Variants in CXCL13 observed in about 807,000 individuals in gnomAD.
CXCL13 encodes the protein C-X-C motif chemokine 13.
A neutral mutation model predicts 12.2 loss-of-function variants in CXCL13; 7 were observed. That is an observed-to-expected ratio of 0.57 (90% confidence interval 0.33 to 1.07). The LOEUF (loss-of-function observed/expected upper bound fraction) is 1.07, where lower values mean the gene tolerates loss of function less well. CXCL13 is among the 50% of genes least tolerant of loss of function. CXCL13 has a pLI of 0.04. For missense variants in CXCL13, 113 were observed against 127.4 expected (o/e 0.89, Z 0.55); for synonymous variants, 47 against 42.4 (o/e 1.11, Z -0.42).
chr4:77,547,512 T>C (rs1725396906), intron 1 of CXCL13, among the ~76,000 whole-genome samples: 1 of 152,214 alleles, frequency 6.6e-6, no homozygotes, highest in Non-Finnish European at 1.5e-5. Flanking sequence ...CTTTTGATCT[T>C]TGTTGGTTTA....
At chr4:77,582,725 T>C (rs1467102456) in intron 1 of CXCL13, among the ~76,000 whole-genome samples, 1 of 152,178 alleles carries the variant, frequency 6.6e-6, no homozygotes, top group Non-Finnish European at 1.5e-5. Context: ...TACTTCAACA[T>C]ATTTTTTAAA....
intron 1 of CXCL13, among the ~76,000 whole-genome samples, chr4:77,550,337 G>T (rs1005881731): frequency 6.6e-6 from 1 of 152,136 alleles, no homozygotes; most frequent in Non-Finnish European, 1.5e-5. Flanking sequence ...CTTACACTCA[G>T]TGGGCTGCTC....
Position 77,607,896 on chromosome 4 carries a change from T to G in CXCL13, c.197+61T>G, listed in dbSNP as rs975330761. On this transcript the variant is annotated intron_variant, in intron 2 of 3. Coordinates refer to ENST00000682537, the MANE Select transcript of CXCL13 (RefSeq NM_001371558.1). ...CTCCCAATGAAATCAGATCAAATGTTACCATACAGTAGTCTTACTCAAGAA... is the reference window on the plus strand; with the variant it reads ...CTCCCAATGAAATCAGATCAAATGTGACCATACAGTAGTCTTACTCAAGAA... 6 of 1,509,152 alleles carry G rather than the reference T, an allele frequency of 4.0e-6. No homozygotes were observed. The East Asian group carries it at 1.4e-4, about 34-fold the overall frequency. 93.5% of individuals were successfully genotyped at this position (1,509,152 alleles called of 1,614,324 possible).
intron 1 of CXCL13, among the ~76,000 whole-genome samples, chr4:77,518,729 C>G (rs1030041282): frequency 3.9e-5 from 6 of 152,052 alleles, no homozygotes; most frequent in African/African-American, 1.4e-4. Flanking sequence ...ACTTCTTTGC[C>G]TTTGGTTTGA....
chr4:77,593,277 C>T (rs535532260), intron 1 of CXCL13, among the ~76,000 whole-genome samples: 18 of 152,354 alleles, frequency 1.2e-4, no homozygotes, highest in African/African-American at 4.3e-4. Flanking sequence ...TCAAATTAAA[C>T]ATTTTAAAAG....
intron 1 of CXCL13, among the ~76,000 whole-genome samples, chr4:77,552,078 C>T (rs1387825324): frequency 1.3e-5 from 2 of 152,086 alleles, no homozygotes; most frequent in East Asian, 1.9e-4. Flanking sequence ...ATTTATCTGT[C>T]ATTTCTGAGT....
chr4:77,545,747 C>T (rs1275238322), intron 1 of CXCL13, among the ~76,000 whole-genome samples: 1 of 152,138 alleles, frequency 6.6e-6, no homozygotes, highest in Non-Finnish European at 1.5e-5. Flanking sequence ...ATTTCTTTCT[C>T]CTGCCTGATT....
intron 1 of CXCL13, among the ~76,000 whole-genome samples, chr4:77,549,839 A>G (rs1284181071): frequency 6.6e-6 from 1 of 152,208 alleles, no homozygotes; most frequent in African/African-American, 2.4e-5. Flanking sequence ...TCAGATCTCA[A>G]ACTCCATGCT....
chr4:77,543,518 G>A (rs1725257670), intron 1 of CXCL13, among the ~76,000 whole-genome samples: 1 of 151,880 alleles, frequency 6.6e-6, no homozygotes. Flanking sequence ...TCTTAACATT[G>A]CTTTTGCTGT....
chr4:77,604,001 T>A (rs1430207472), upstream of CXCL13, among the ~76,000 whole-genome samples: 1 of 152,226 alleles, frequency 6.6e-6, no homozygotes, highest in Non-Finnish European at 1.5e-5. Flanking sequence ...CTTTGTGCTG[T>A]TAACCTCTAG....
rs1560530240 is a variant in CXCL13 at position 77,573,602 on chromosome 4, AAAG to A, written c.-42-32217_-42-32215del. 2.6e-5 allele frequency among the ~76,000 whole-genome samples: 4 copies of A among 151,998 alleles called. No individual in the cohort carries two copies. The South Asian group carries it at 8.3e-4, about 32-fold the overall frequency. ...TGTAATTCTGTATATAAAATATGCC[AAAG>A]AAGATATTCTTTTATTTTAAAAAAA... On this transcript the variant is annotated intron_variant, in intron 1 of 4. Transcript: ENST00000286758.
intron 1 of CXCL13, among the ~76,000 whole-genome samples, chr4:77,526,668 C>T (rs1490292667): frequency 6.6e-6 from 1 of 152,120 alleles, no homozygotes; most frequent in African/African-American, 2.4e-5. Context: ...CCTCATGGAG[C>T]TTCCACACTA....
In CXCL13 at chr4:77,611,677, C is replaced by G; in HGVS notation, c.*638C>G. The stretch of plus-strand genomic sequence containing the variant: ...TTTAAAGGGTGATGTACACATGTAT[C>G]CTTTCACACATTTGCCTTGACAAAC... On this transcript the variant is annotated 3_prime_UTR_variant, in exon 4 of 4. Coordinates refer to ENST00000682537, the MANE Select transcript of CXCL13 (RefSeq NM_001371558.1). 1 of 398,666 alleles carries G rather than the reference C, an allele frequency of 2.5e-6. No homozygotes were observed. The highest frequency in any genetic ancestry group is 4.4e-6 in the Non-Finnish European group (1 of 226,026). 24.7% of individuals were successfully genotyped at this position (398,666 alleles called of 1,614,324 possible).
intron 1 of CXCL13, among the ~76,000 whole-genome samples, chr4:77,540,192 C>A (rs960943211): frequency 6.6e-6 from 1 of 152,090 alleles, no homozygotes; most frequent in African/African-American, 2.4e-5. Flanking sequence ...TTTTTATACA[C>A]TTCATGAGGG....
At position 77,513,804 on chromosome 4, in the gene CXCL13, C is replaced by CT. The variant is rs113540218; in HGVS notation, c.-43+2032dup. 4.8e-3 allele frequency among the ~76,000 whole-genome samples: 682 copies of CT among 140,722 alleles called. 3 individuals carry two copies. Among genetic ancestry groups the CT allele is most frequent in the East Asian group, 0.03 (146 of 4,844 alleles). The allele number at this position is 140,722 out of a possible 152,430, so 92.3% of individuals were successfully genotyped here. A position where few individuals can be genotyped will look rare whatever the true frequency, so the allele number is the denominator to read the frequency against. On this transcript the variant is annotated intron_variant, in intron 1 of 4. Coordinates refer to the CXCL13 transcript ENST00000286758. ...TTCTAACTGGTGTGAGATGGTATCTCTTTTTTTTTTTTTTTTATACTTTAA... is the reference window on the plus strand; with the variant it reads ...TTCTAACTGGTGTGAGATGGTATCTCTTTTTTTTTTTTTTTTTATACTTTAA...
At chr4:77,523,993 G>T (rs913454927) in intron 1 of CXCL13, among the ~76,000 whole-genome samples, 1 of 152,180 alleles carries the variant, frequency 6.6e-6, no homozygotes, top group African/African-American at 2.4e-5. Flanking sequence ...GTTGGAGTTT[G>T]CTGGAGGTCC....
intron 1 of CXCL13, among the ~76,000 whole-genome samples, chr4:77,557,554 C>A (rs1361137042): frequency 6.6e-6 from 1 of 152,228 alleles, no homozygotes; most frequent in Non-Finnish European, 1.5e-5. Context: ...TTAATCAGCT[C>A]CACAATTCTC....
At chr4:77,571,435 G>A (rs1245937323) in intron 1 of CXCL13, among the ~76,000 whole-genome samples, 1 of 139,630 alleles carries the variant, frequency 7.2e-6, no homozygotes, top group East Asian at 2.1e-4. Flanking sequence ...TCGGCACTCT[G>A]TATCTAGCTC....
chr4:77,541,587 C>A (rs1725207773), intron 1 of CXCL13, among the ~76,000 whole-genome samples: 1 of 152,082 alleles, frequency 6.6e-6, no homozygotes, highest in Non-Finnish European at 1.5e-5. Flanking sequence ...GTTTTTGTAC[C>A]AGTACCATGT....
Sources: allele counts gnomAD v4.1 joint callset (sites outside exome capture counted in the v4.1 genomes callset), GRCh38; gene constraint gnomAD v4.1.1; transcripts MANE v1.5; gene names NCBI Gene and HGNC (gene_info 2026-07-23, HGNC 2026-07-21).